KANSL1: variants seen among roughly 807,000 people sequenced by gnomAD.
The protein encoded by KANSL1 is KAT8 regulatory NSL complex subunit 1.
In KANSL1, 22 loss-of-function variants were observed where a neutral mutation model predicts 103.6. The observed-to-expected ratio is 0.21, with a 90% confidence interval of 0.15 to 0.30. The LOEUF (loss-of-function observed/expected upper bound fraction) is 0.30, where lower values mean the gene tolerates loss of function less well. Among genes scored for constraint, KANSL1 ranks in the 10% least tolerant of loss-of-function variants. The pLI, the probability that KANSL1 is intolerant of heterozygous loss-of-function variation, is 1.00. For synonymous variants in KANSL1, 600 were observed against 527.6 expected (o/e 1.14, Z -1.88); for missense variants, 1,337 against 1,399.8 (o/e 0.96, Z 0.72).
rs1249134768 is a variant in KANSL1 at position 46,109,446 on chromosome 17, C to T, written c.1290-14745G>A. 5.9e-5 allele frequency among the ~76,000 whole-genome samples: 9 copies of T among 152,214 alleles called. No homozygotes were observed. In the South Asian group the frequency reaches 8.3e-4, roughly 14 times the overall value. On this transcript the variant is annotated intron_variant, in intron 2 of 14. Transcript: ENST00000432791. ...ATAGTTAAGTTTTATTGGCAGATTTCGATTCTGCCACATCAAATTGAAAAA... is the reference window on the plus strand; with the variant it reads ...ATAGTTAAGTTTTATTGGCAGATTTTGATTCTGCCACATCAAATTGAAAAA...
At chr17:46,193,708 C>T (rs1390641030), upstream of KANSL1, 1 of 269,822 alleles carries the variant, frequency 3.7e-6, no homozygotes. Context: ...AGCACTGCGG[C>T]AGGGGGAAGC....
chr17:46,079,914 C>G (rs370335265), intron 4 of KANSL1, among the ~76,000 whole-genome samples: 2 of 151,904 alleles, frequency 1.3e-5, no homozygotes, highest in Non-Finnish European at 2.9e-5. Flanking sequence ...GAGGTAGAGG[C>G]TGCAGTGAGC....
intron 6 of KANSL1, among the ~76,000 whole-genome samples, chr17:46,056,546 G>A (rs1177785596): frequency 1.3e-5 from 2 of 150,260 alleles, no homozygotes; most frequent in African/African-American, 2.4e-5. Context: ...TCTGGCTCTC[G>A]ACTCTTAATC....
At chr17:46,098,454 A>G (rs896714400) in intron 2 of KANSL1, among the ~76,000 whole-genome samples, 11 of 152,244 alleles carry the variant, frequency 7.2e-5, no homozygotes, top group South Asian at 2.1e-4. Context: ...GGAACCATGC[A>G]GCTCCTTTGA....
intron 1 of KANSL1, among the ~76,000 whole-genome samples, chr17:46,212,104 T>G (rs1390592997): frequency 6.6e-6 from 1 of 152,352 alleles, no homozygotes; most frequent in Admixed American, 6.5e-5. Context: ...AATATATACA[T>G]ACATATTATA....
intron 2 of KANSL1, among the ~76,000 whole-genome samples, chr17:46,157,389 T>C (rs1464603016): frequency 6.6e-6 from 1 of 152,244 alleles, no homozygotes; most frequent in East Asian, 1.9e-4. Flanking sequence ...ATTTATCTCA[T>C]CTAGTAATAC....
intron 7 of KANSL1, chr17:46,041,766 GCTAT>G (rs1338797680): frequency 3.3e-5 from 5 of 151,966 alleles, no homozygotes; most frequent in African/African-American, 1.2e-4. Flanking sequence ...TGTGCTTTGG[GCTAT>G]CTTTCTATTT....
At chr17:46,168,742 A>G (rs972644765) in intron 2 of KANSL1, among the ~76,000 whole-genome samples, 2 of 152,254 alleles carry the variant, frequency 1.3e-5, no homozygotes, top group Non-Finnish European at 2.9e-5. Flanking sequence ...TCAACTTTTT[A>G]AAGTATCAGT....
chr17:46,167,651 C>G (rs2046073491), intron 2 of KANSL1, among the ~76,000 whole-genome samples: 2 of 152,142 alleles, frequency 1.3e-5, no homozygotes, highest in Admixed American at 1.3e-4. Flanking sequence ...GTTTTTAAAC[C>G]AGACATAAAA....
At chr17:46,217,040 G>C (rs1400000403) in intron 1 of KANSL1, among the ~76,000 whole-genome samples, 1 of 150,802 alleles carries the variant, frequency 6.6e-6, no homozygotes, top group Non-Finnish European at 1.5e-5. Context: ...CCAGGGGTTA[G>C]GGGGCTGGAG....
intron 6 of KANSL1, among the ~76,000 whole-genome samples, chr17:46,058,118 C>T (rs941068437): frequency 2.0e-5 from 3 of 152,134 alleles, no homozygotes; most frequent in Admixed American, 6.5e-5. Flanking sequence ...CTGAAAATTG[C>T]AAGGCAAAAT....
intron 1 of KANSL1, among the ~76,000 whole-genome samples, chr17:46,174,138 A>C (rs917844390): frequency 6.6e-6 from 1 of 152,244 alleles, no homozygotes; most frequent in Non-Finnish European, 1.5e-5. Context: ...AACTTGTATC[A>C]ACAATCATGA....
chr17:46,172,867 A>T (rs1398500170), intron 1 of KANSL1, among the ~76,000 whole-genome samples: 1 of 152,224 alleles, frequency 6.6e-6, no homozygotes, highest in Non-Finnish European at 1.5e-5. Flanking sequence ...TCAGCCTAGG[A>T]ATTTACTCAA....
At chr17:46,060,867 AG>A (rs767391056) in intron 6 of KANSL1, among the ~76,000 whole-genome samples, 85 of 152,342 alleles carry the variant, frequency 5.6e-4, no homozygotes, top group Non-Finnish European at 7.9e-4. Flanking sequence ...TGGGAAGAAG[AG>A]GAGGACTACT....
At chr17:46,101,747 CTG>C (rs1216969792) in intron 2 of KANSL1, among the ~76,000 whole-genome samples, 1 of 92,662 alleles carries the variant, frequency 1.1e-5, no homozygotes, top group Non-Finnish European at 1.9e-5. Context: ...GAGCAAGACT[CTG>C]TCTACAAAAA....
At chr17:46,097,358 T>C (rs559465830) in intron 2 of KANSL1, among the ~76,000 whole-genome samples, 1 of 152,350 alleles carries the variant, frequency 6.6e-6, no homozygotes, top group South Asian at 2.1e-4. Flanking sequence ...CAACATGACC[T>C]AATCTCAACA....
chr17:46,198,964 T>C (rs1918785), intron 1 of KANSL1, among the ~76,000 whole-genome samples: 21,956 of 152,158 alleles, frequency 0.14, 2,136 homozygotes, highest in Non-Finnish European at 0.22. Flanking sequence ...AATGAACACA[T>C]AAACCTATGT....
intron 3 of KANSL1, among the ~76,000 whole-genome samples, chr17:46,088,206 C>T (rs1173053082): frequency 6.6e-6 from 1 of 152,122 alleles, no homozygotes; most frequent in Non-Finnish European, 1.5e-5. Context: ...TCCTAAGTGA[C>T]TCCTCTGTGG....
chr17:46,160,928 A>C (rs2045701956), intron 2 of KANSL1, among the ~76,000 whole-genome samples: 1 of 152,202 alleles, frequency 6.6e-6, no homozygotes, highest in Non-Finnish European at 1.5e-5. Context: ...AAGTTACTTA[A>C]ACTTTCCATT....
Sources: allele counts gnomAD v4.1 joint callset (sites outside exome capture counted in the v4.1 genomes callset), GRCh38; gene constraint gnomAD v4.1.1; transcripts MANE v1.5; gene names NCBI Gene and HGNC (gene_info 2026-07-23, HGNC 2026-07-21).